The following EPB41L5 variants were observed in gnomAD, a reference collection of about 807,000 sequenced individuals.
The protein encoded by EPB41L5 is erythrocyte membrane protein band 4.1 like 5, also known as band 4.1-like protein 5.
A neutral mutation model predicts 106.6 loss-of-function variants in EPB41L5; 55 were observed. The observed-to-expected ratio is 0.52, with a 90% CI of 0.42 to 0.65. The LOEUF is 0.65. Ranked by LOEUF, EPB41L5 falls within the 30% of genes least tolerant of loss-of-function variation. The pLI is 0.00. For missense variants in EPB41L5, 871 were observed against 882.1 expected (o/e 0.99, Z 0.16); for synonymous variants, 297 against 306.7 (o/e 0.97, Z 0.33).
chr2:120,133,004 G>C (rs760382905), intron 18 of EPB41L5, among the ~76,000 whole-genome samples: 1 of 152,176 alleles, frequency 6.6e-6, no homozygotes, highest in Non-Finnish European at 1.5e-5. Context: ...CAGAGAGTCT[G>C]CTGCATTAGT....
At chr2:120,053,617 A>AT (rs1248240120) in intron 3 of EPB41L5, among the ~76,000 whole-genome samples, 3 of 152,188 alleles carry the variant, frequency 2.0e-5, no homozygotes, top group South Asian at 2.1e-4. Context: ...TGTACTTAGC[A>AT]TAATGTTTTC....
chr2:120,149,648 A>G (rs1686579326), intron 20 of EPB41L5, among the ~76,000 whole-genome samples: 1 of 152,104 alleles, frequency 6.6e-6, no homozygotes, highest in Non-Finnish European at 1.5e-5. Flanking sequence ...AGACATTTAG[A>G]TTGTTTCCAC....
intron 18 of EPB41L5, among the ~76,000 whole-genome samples, chr2:120,135,049 T>C (rs1439642706): frequency 2.6e-5 from 4 of 152,076 alleles, no homozygotes; most frequent in Non-Finnish European, 4.4e-5. Flanking sequence ...CTCAGTGAAA[T>C]TCAAGATAAC....
intron 18 of EPB41L5, among the ~76,000 whole-genome samples, chr2:120,137,110 C>T (rs1302948412): frequency 6.6e-6 from 1 of 152,010 alleles, no homozygotes; most frequent in Admixed American, 6.6e-5. Flanking sequence ...AAACAATATG[C>T]TTCCAAATGA....
chr2:120,052,524 C>T (rs553961600), intron 3 of EPB41L5, among the ~76,000 whole-genome samples: 1 of 152,230 alleles, frequency 6.6e-6, no homozygotes, highest in East Asian at 1.9e-4. Flanking sequence ...ATCAAACTTT[C>T]TATTTATTTA....
chr2:120,171,634 T>C (rs1365526426), intron 24 of EPB41L5, among the ~76,000 whole-genome samples: 6 of 152,238 alleles, frequency 3.9e-5, no homozygotes, highest in African/African-American at 1.4e-4. Context: ...AAGAGGCTTA[T>C]TCTCTGGAGA....
At chr2:120,019,411 C>G (rs1419580784) in intron 2 of EPB41L5, 147 bp downstream of exon 2, 1 of 660,012 alleles carries the variant, frequency 1.5e-6, no homozygotes, top group Non-Finnish European at 2.4e-6. Context: ...CATTCAGGTA[C>G]ATGGATCAGA....
At chr2:120,035,444 A>G (rs1403220064) in intron 2 of EPB41L5, among the ~76,000 whole-genome samples, 1 of 152,080 alleles carries the variant, frequency 6.6e-6, no homozygotes, top group Non-Finnish European at 1.5e-5. Context: ...GCAGGGGCTT[A>G]CCTGTTTTGT....
intron 21 of EPB41L5, among the ~76,000 whole-genome samples, chr2:120,161,913 A>G (rs903164390): frequency 1.5e-4 from 23 of 152,128 alleles, no homozygotes; most frequent in Non-Finnish European, 2.9e-5. Context: ...CCCACCCCCA[A>G]ACCTGGTCCT....
At chr2:120,127,601 G>A in intron 16 of EPB41L5, 87 bp from the exon 17 acceptor site, 1 of 1,047,602 alleles carries the variant, frequency 9.5e-7, no homozygotes, top group Non-Finnish European at 1.3e-6. Flanking sequence ...CAGATGTGGT[G>A]GAAATTGCAG....
intron 16 of EPB41L5, among the ~76,000 whole-genome samples, chr2:120,124,724 A>C (rs1279249162): frequency 6.6e-6 from 1 of 152,172 alleles, no homozygotes; most frequent in Non-Finnish European, 1.5e-5. Flanking sequence ...TAAAGATTTC[A>C]GTTCATTTTT....
intron 16 of EPB41L5, among the ~76,000 whole-genome samples, chr2:120,115,632 C>CG (rs1468248704): frequency 6.6e-6 from 1 of 151,988 alleles, no homozygotes; most frequent in African/African-American, 2.4e-5. Context: ...CCTTGTGATC[C>CG]GCCTGCCTCG....
chr2:120,132,551 A>G (rs1294020813), intron 18 of EPB41L5, among the ~76,000 whole-genome samples: 1 of 152,194 alleles, frequency 6.6e-6, no homozygotes, highest in African/African-American at 2.4e-5. Context: ...TTATGATTCA[A>G]ACTGTCTTTC....
At chr2:120,146,614 ATCAC>A (rs1686417303) in intron 20 of EPB41L5, among the ~76,000 whole-genome samples, 3 of 152,238 alleles carry the variant, frequency 2.0e-5, no homozygotes, top group Non-Finnish European at 4.4e-5. Context: ...TCATCCTGTT[ATCAC>A]AATGGCCTTG....
chr2:120,167,334 C>T, intron 22 of EPB41L5, 132 bp from the exon 23 acceptor site: 1 of 710,768 alleles, frequency 1.4e-6, no homozygotes, highest in Non-Finnish European at 2.4e-6. Context: ...CATGTCAGCT[C>T]AAGGAACACC....
At chr2:120,138,260 C>T (rs1686014703) in intron 18 of EPB41L5, among the ~76,000 whole-genome samples, 1 of 151,634 alleles carries the variant, frequency 6.6e-6, no homozygotes, top group South Asian at 2.1e-4. Flanking sequence ...TAGTATCATG[C>T]CTGAAAGCCT....
At chr2:120,055,516 T>C (rs932556728) in intron 3 of EPB41L5, among the ~76,000 whole-genome samples, 3 of 126,104 alleles carry the variant, frequency 2.4e-5, no homozygotes, top group Admixed American at 1.9e-4. Context: ...TGAGACAGAG[T>C]CTTGCTCTGT....
chr2:120,172,527 A>G (rs1687722256), intron 24 of EPB41L5, among the ~76,000 whole-genome samples: 1 of 152,182 alleles, frequency 6.6e-6, no homozygotes, highest in Non-Finnish European at 1.5e-5. Flanking sequence ...TTCCCAAACT[A>G]TCAGTGAATT....
chr2:120,169,808 G>A lies in EPB41L5; in HGVS notation c.2135+1801G>A, dbSNP rs547726925. Among the ~76,000 whole-genome samples the A allele has an allele frequency of 3.7e-3, 557 of 152,336 alleles. 3 individuals carry two copies. Among genetic ancestry groups the A allele is most frequent in the Non-Finnish European group, 4.5e-3 (306 of 68,022 alleles). On this transcript the variant is annotated intron_variant, in intron 24 of 24. Transcript: ENST00000263713. ...AAATGGCCAGTAAGCATTCTAGACA[G>A]TGTGCAACTTGATTAGTCCGTGGGG... is the stretch of plus-strand genomic sequence containing the variant.
Sources: gnomAD v4.1 joint callset for allele counts (sites outside exome capture counted in the v4.1 genomes callset) on GRCh38, gnomAD v4.1.1 for gene constraint, MANE v1.5 for transcripts, NCBI Gene and HGNC (gene_info 2026-07-23, HGNC 2026-07-21) for gene names.